The following GPSM1 variants were observed in gnomAD, a reference collection of about 807,000 sequenced individuals.
GPSM1 encodes the protein G protein signaling modulator 1.
In GPSM1, 48 loss-of-function variants were observed where a neutral mutation model predicts 70.5. The ratio of observed to expected loss-of-function variants is 0.68; its 90% CI spans 0.54 to 0.87. The LOEUF is 0.87. Among genes scored for constraint, GPSM1 ranks in the 40% least tolerant of loss-of-function variants. The probability of loss-of-function intolerance (pLI) is 0.00; values close to 1 mark genes in which losing one functional copy is unlikely to be tolerated. For synonymous variants in GPSM1, 416 were observed against 430.1 expected (o/e 0.97, Z 0.41); for missense variants, 981 against 972.6 (o/e 1.01, Z -0.11).
rs950065771 is a variant in GPSM1, at chr9:136,341,036, C to T, written c.1207+43C>T. The T allele has an allele frequency of 1.2e-5, 18 of 1,560,754 alleles. No individual in the cohort carries two copies. Among genetic ancestry groups the T allele is most frequent in the Admixed American group, 3.8e-5 (2 of 52,578 alleles). ...GGGGGGGTCTTGCTCCCCACAGGCA[C>T]GGACCGCATCAGGAGCTGCGGAGGG... On this transcript the variant is annotated intron_variant, in intron 9 of 13. Coordinates refer to ENST00000440944, the MANE Select transcript of GPSM1 (RefSeq NM_001145638.3). This position sits in a 1 kb window ranked among gnomAD's most constrained non-coding sequence, Gnocchi z 6.7.
rs531078040 is a variant in GPSM1, at chr9:136,341,542, G to A, written c.1207+549G>A. The A allele has an allele frequency of 1.8e-5, 20 of 1,087,484 alleles. No individual in the cohort carries two copies. The highest frequency in any genetic ancestry group is 2.1e-5 in the Non-Finnish European group (19 of 893,562). 67.4% of individuals were successfully genotyped at this position (1,087,484 alleles called of 1,614,324 possible). On this transcript the variant is annotated intron_variant, in intron 9 of 13. Transcript: ENST00000440944. The surrounding 1 kb of genome is among the most constrained non-coding windows in gnomAD (Gnocchi z 6.7). The stretch of plus-strand genomic sequence containing the variant: ...CAGGACAGAACGTCCCCTGCAAAGC[G>A]AAAAGACTAATAGGTGCCAGGGGGG...
chr9:136,337,146 C>T (rs1174040509), intron 4 of GPSM1, 74 bp downstream of exon 4: 1 of 1,348,894 alleles, frequency 7.4e-7, no homozygotes, highest in Non-Finnish European at 1.0e-6. Flanking sequence ...ACTTCCAGAC[C>T]CCCGACCCCA....
At chr9:136,357,063 G>A (rs3923828) in intron 13 of GPSM1, among the ~76,000 whole-genome samples, 2,614 of 152,316 alleles carry the variant, frequency 0.017, 68 homozygotes, top group African/African-American at 0.059. Flanking sequence ...AGCCAGGGCC[G>A]GGGCTCCAGC....
intron 12 of GPSM1, 90 bp from the exon 13 acceptor site, chr9:136,356,252 C>CTCAGAGG (rs1832818975): frequency 4.9e-6 from 5 of 1,017,780 alleles, no homozygotes; most frequent in Admixed American, 2.9e-5. Flanking sequence ...CTGGGCTGGG[C>CTCAGAGG]TCAGAGGTCA....
Position 136,341,203 on chromosome 9 carries a change from G to A in GPSM1, c.1207+210G>A. The A allele has an allele frequency of 6.5e-7, 1 of 1,540,584 alleles. No individual in the cohort carries two copies. The highest frequency in any genetic ancestry group is 8.8e-7 in the Non-Finnish European group (1 of 1,141,836). ...TCCCACCCGCATCCTGAGTGGCGCT[G>A]CAGGGCTGCTGGATGAAGGACAGGA... On this transcript the variant is annotated intron_variant, in intron 9 of 13. Coordinates refer to ENST00000440944, the MANE Select transcript of GPSM1 (RefSeq NM_001145638.3). The surrounding 1 kb of genome is among the most constrained non-coding windows in gnomAD (Gnocchi z 6.7).
chr9:136,330,519 C>G (rs781141114), intron 1 of GPSM1, among the ~76,000 whole-genome samples: 1 of 152,228 alleles, frequency 6.6e-6, no homozygotes, highest in Non-Finnish European at 1.5e-5. Context: ...GTGATTCCAG[C>G]TCCCGCTGTG....
chr9:136,356,280 A>T (rs1832819811), intron 12 of GPSM1, 62 bp from the exon 13 acceptor site: 1 of 1,272,794 alleles, frequency 7.9e-7, no homozygotes, highest in South Asian at 1.5e-5. Flanking sequence ...CTGTGGCCGC[A>T]GCCCGAGCCT....
chr9:136,336,651 G>A (rs1832243752), intron 3 of GPSM1, among the ~76,000 whole-genome samples: 3 of 152,196 alleles, frequency 2.0e-5, no homozygotes, highest in Non-Finnish European at 4.4e-5. Flanking sequence ...GGAGCTTTCA[G>A]CCTCGGTCAT....
intron 7 of GPSM1, 57 bp downstream of exon 7, chr9:136,338,767 G>A (rs891046922): frequency 1.0e-4 from 155 of 1,483,228 alleles, no homozygotes; most frequent in Middle Eastern, 2.4e-4. Flanking sequence ...CTGAATTACC[G>A]CGGCCCAGGC....
chr9:136,329,261 C>T (rs1187142816), intron 1 of GPSM1, among the ~76,000 whole-genome samples: 3 of 152,148 alleles, frequency 2.0e-5, no homozygotes, highest in Admixed American at 6.5e-5. Context: ...GGGGGAAGCG[C>T]GCCAAGCCCT....
chr9:136,355,994 G>A, intron 12 of GPSM1, 148 bp downstream of exon 12: 3 of 658,178 alleles, frequency 4.6e-6, no homozygotes, highest in Non-Finnish European at 7.7e-6. Context: ...GCCCTCCGCA[G>A]CCCCCACAGA....
At chr9:136,346,629 C>T (rs893764194) in intron 9 of GPSM1, among the ~76,000 whole-genome samples, 3 of 152,184 alleles carry the variant, frequency 2.0e-5, no homozygotes, top group African/African-American at 7.2e-5. Context: ...CAGACAGCAG[C>T]CCCCCAGCAA....
chr9:136,337,832 G>A lies in GPSM1; in HGVS notation c.703-14G>A. The A allele has an allele frequency of 6.3e-7, 1 of 1,592,490 alleles. No individual in the cohort carries two copies. The highest frequency in any genetic ancestry group is 8.6e-7 in the Non-Finnish European group (1 of 1,161,856). ...CTGCGCCATGACCACCTGGCCTCCG[G>A]TGTGTCTCCGCAGCGCCTGGCCATT... On this transcript the variant is annotated splice_polypyrimidine_tract_variant and intron_variant, in intron 5 of 13. Coordinates refer to ENST00000440944, the MANE Select transcript of GPSM1 (RefSeq NM_001145638.3).
chr9:136,333,028 A>C (rs554900306), intron 1 of GPSM1, among the ~76,000 whole-genome samples: 2 of 152,226 alleles, frequency 1.3e-5, no homozygotes, highest in East Asian at 3.9e-4. Context: ...AATAATGGTA[A>C]CATAAGTTTT....
At chr9:136,354,776 G>A (rs1035658612) in intron 11 of GPSM1, 59 of 973,204 alleles carry the variant, frequency 6.1e-5, no homozygotes, top group East Asian at 4.6e-4. Flanking sequence ...TCATTCCTTC[G>A]AGTTCATTCA....
At chr9:136,334,781 G>A in intron 2 of GPSM1, 113 bp downstream of exon 2, 1 of 834,450 alleles carries the variant, frequency 1.2e-6, no homozygotes, top group Non-Finnish European at 1.9e-6. Flanking sequence ...CGGTGAGTGG[G>A]GACAGCCCTG....
rs1207147491 is a variant in GPSM1 at position 136,355,749 on chromosome 9, C to G, written c.1515C>G (p.Phe505Leu). The part of the protein sequence containing the change: ...EECFFDLLTK[F>L]QSSRMDDQRC... ...GCTTCTTTGACCTGTTGACCAAGTT[C>G]CAGAGCAGCCGCATGGACGACCAGC... The change falls in exon 12 of 14, where the codon TTC (phenylalanine) becomes TTG (leucine). Residue 505 changes from phenylalanine (F) to leucine (L), a missense_variant. Coordinates refer to ENST00000440944, the MANE Select transcript of GPSM1 (RefSeq NM_001145638.3). 35 of 1,612,396 alleles carry G rather than the reference C, an allele frequency of 2.2e-5. No individual in the cohort carries two copies. The highest frequency in any genetic ancestry group is 3.0e-5 in the Non-Finnish European group (35 of 1,179,520).
At chr9:136,357,827 C>T (rs1024046683) in intron 13 of GPSM1, among the ~76,000 whole-genome samples, 187 bp from the exon 14 acceptor site, 5 of 152,212 alleles carry the variant, frequency 3.3e-5, no homozygotes, top group Admixed American at 1.3e-4. Flanking sequence ...CACCAGAAGA[C>T]TGCGCTCAGG....
chr9:136,338,104 G>A (rs369093705), intron 6 of GPSM1, 143 bp downstream of exon 6: 52 of 625,122 alleles, frequency 8.3e-5, no homozygotes, highest in African/African-American at 7.4e-4. Context: ...AGGCTGCCCC[G>A]GGAAGGGCAG....
Sources: allele counts gnomAD v4.1 joint callset (sites outside exome capture counted in the v4.1 genomes callset), GRCh38; gene constraint gnomAD v4.1.1; non-coding constraint Gnocchi (gnomAD v3.1); transcripts MANE v1.5; gene names NCBI Gene and HGNC (gene_info 2026-07-23, HGNC 2026-07-21).